The following RNF214 variants were observed in gnomAD, a reference collection of about 807,000 sequenced individuals.
The protein encoded by RNF214 is ring finger protein 214.
In RNF214, 25 loss-of-function variants were observed where a neutral mutation model predicts 75.9. The ratio of observed to expected loss-of-function variants is 0.33; its 90% CI spans 0.24 to 0.46. RNF214 has a LOEUF of 0.46. Ranked by LOEUF, RNF214 falls within the 20% of genes least tolerant of loss-of-function variation. The pLI is 1.00. For synonymous variants in RNF214, 314 were observed against 308.8 expected (o/e 1.02, Z -0.18); for missense variants, 725 against 857.5 (o/e 0.85, Z 1.93).
intron 4 of RNF214, among the ~76,000 whole-genome samples, chr11:117,240,977 G>A (rs1005195796): frequency 6.6e-6 from 1 of 151,814 alleles, no homozygotes; most frequent in East Asian, 2.0e-4. Context: ...GCAGGAGTTC[G>A]AGACCAGCCT....
chr11:117,237,882 T>G (rs1387787728), intron 2 of RNF214, among the ~76,000 whole-genome samples: 3 of 152,280 alleles, frequency 2.0e-5, no homozygotes, highest in Admixed American at 1.3e-4. Context: ...TGGTCAAAGA[T>G]CTGTATAATG....
At chr11:117,247,875 A>C (rs1272821819) in intron 6 of RNF214, among the ~76,000 whole-genome samples, 3 of 151,712 alleles carry the variant, frequency 2.0e-5, no homozygotes, top group African/African-American at 7.3e-5. Context: ...AAAAAAACAA[A>C]ACAAAAAAAA....
At chr11:117,282,944 T>C (rs939267464) in intron 13 of RNF214, 94 bp downstream of exon 13, 4 of 1,070,450 alleles carry the variant, frequency 3.7e-6, no homozygotes, top group Non-Finnish European at 4.3e-6. Flanking sequence ...AAACCATCAG[T>C]TGGGTTATTT....
At chr11:117,245,536 G>A (rs1465187765) in intron 5 of RNF214, among the ~76,000 whole-genome samples, 2 of 151,658 alleles carry the variant, frequency 1.3e-5, no homozygotes, top group African/African-American at 4.8e-5. Flanking sequence ...TAGAGACGGG[G>A]TTTCACCATG....
At chr11:117,258,859 A>G (rs1218977911) in intron 6 of RNF214, among the ~76,000 whole-genome samples, 2 of 152,302 alleles carry the variant, frequency 1.3e-5, no homozygotes, top group Middle Eastern at 3.4e-3. Context: ...AATGGAATCA[A>G]TCTTATACAG....
rs371444202 is a variant in RNF214, at chr11:117,285,130, C to T, written c.2091C>T (p.Pro697=). The T allele has an allele frequency of 2.0e-5, 32 of 1,612,460 alleles. No homozygotes were observed. The highest frequency in any genetic ancestry group is 2.5e-5 in the Non-Finnish European group (30 of 1,178,730). The change falls in exon 15 of 15, where the codon CCC becomes CCT. Residue 697 remains proline, a synonymous_variant. Transcript: ENST00000300650. ...WAQTNTNDTC[P]FCPTLK ...AGACCAACACAAATGACACTTGTCCCTTTTGTCCAACTCTTAAATGACGGA... is the reference window on the plus strand; with the variant it reads ...AGACCAACACAAATGACACTTGTCCTTTTTGTCCAACTCTTAAATGACGGA...
intron 6 of RNF214, among the ~76,000 whole-genome samples, chr11:117,279,401 G>A (rs576420367): frequency 5.7e-4 from 83 of 144,708 alleles, no homozygotes; most frequent in African/African-American, 1.8e-3. Flanking sequence ...GTGCAATCTC[G>A]GCTCACTGCA....
intron 6 of RNF214, among the ~76,000 whole-genome samples, chr11:117,250,493 C>A (rs200432636): frequency 0.052 from 7,949 of 151,712 alleles, 331 homozygotes; most frequent in East Asian, 0.16. Context: ...GAGATACTTG[C>A]TGAAGTTTTA....
At chr11:117,234,419 A>G (rs2032843580) in intron 2 of RNF214, 40 bp downstream of exon 2, 13 of 1,458,072 alleles carry the variant, frequency 8.9e-6, no homozygotes, top group Middle Eastern at 1.7e-4. Flanking sequence ...TCATTTGGGT[A>G]AAGGGTTTTT....
chr11:117,261,573 C>CT (rs1218024555), intron 6 of RNF214, among the ~76,000 whole-genome samples: 1 of 152,104 alleles, frequency 6.6e-6, no homozygotes, highest in Non-Finnish European at 1.5e-5. Flanking sequence ...GAGCAAGACT[C>CT]TATCTCAAAA....
chr11:117,252,030 G>A (rs1053488152), intron 6 of RNF214, among the ~76,000 whole-genome samples: 5 of 151,804 alleles, frequency 3.3e-5, no homozygotes, highest in Admixed American at 1.3e-4. Context: ...CACCACGCCC[G>A]ACTAATTTTT....
At chr11:117,284,843 T>C (rs977450373) in intron 14 of RNF214, among the ~76,000 whole-genome samples, 2 of 151,954 alleles carry the variant, frequency 1.3e-5, no homozygotes, top group African/African-American at 4.8e-5. Flanking sequence ...GGCAGGAGAA[T>C]AGCTTGAACC....
intron 6 of RNF214, among the ~76,000 whole-genome samples, chr11:117,248,992 C>G (rs976478450): frequency 6.6e-6 from 1 of 151,988 alleles, no homozygotes; most frequent in African/African-American, 2.4e-5. Flanking sequence ...GGCGCAATCT[C>G]GGCTCATGCA....
Position 117,234,201 on chromosome 11 carries a change from G to C in RNF214, c.-6-66G>C, listed in dbSNP as rs540994292. On this transcript the variant is annotated intron_variant, in intron 1 of 14. Coordinates refer to ENST00000300650, the MANE Select transcript of RNF214 (RefSeq NM_207343.4). Reference sequence around the variant, plus strand: ...GCTCTGTTGTGTGGACATTCTGAGGGGGGAGAGATACATTTGTTTTAAACT... The same window carrying C: ...GCTCTGTTGTGTGGACATTCTGAGGCGGGAGAGATACATTTGTTTTAAACT... The C allele has an allele frequency of 1.3e-5, 15 of 1,154,124 alleles. No homozygotes were observed. The East Asian group carries it at 3.1e-4, about 24-fold the overall frequency. The allele number at this position is 1,154,124 out of a possible 1,614,324, so 71.5% of individuals were successfully genotyped here.
rs145441921 is a variant in RNF214 at position 117,254,655 on chromosome 11, G to C, written c.959+7707G>C. On this transcript the variant is annotated intron_variant, in intron 6 of 14. Coordinates refer to ENST00000300650, the MANE Select transcript of RNF214 (RefSeq NM_207343.4). ...TTTTTTTTTTTTGAGACAGAGTCTCGCTCTGTCACCCAGGCTGGAGTCCAG... is the reference window on the plus strand; with the variant it reads ...TTTTTTTTTTTTGAGACAGAGTCTCCCTCTGTCACCCAGGCTGGAGTCCAG... Among the ~76,000 whole-genome samples the C allele has an allele frequency of 9.8e-3, 1,480 of 150,262 alleles. 20 individuals carry two copies. The highest frequency in any genetic ancestry group is 0.033 in the African/African-American group (1,327 of 40,806).
chr11:117,281,935 G>T lies in RNF214; in HGVS notation c.1377G>T (p.Leu459=). The change falls in exon 11 of 15, where the codon CTG becomes CTT. Residue 459 remains leucine (L), a synonymous_variant. Transcript: ENST00000300650. ...MLQVFQPSPS[L]APRMPFSIGQ... ...AGGTGTTTCAACCCAGTCCCTCTCTGGCTCCTCGGATGCCCTTCTCCATTG... is the reference window on the plus strand; with the variant it reads ...AGGTGTTTCAACCCAGTCCCTCTCTTGCTCCTCGGATGCCCTTCTCCATTG... 1 of 1,613,938 alleles carries T rather than the reference G, an allele frequency of 6.2e-7. No individual in the cohort carries two copies. Among genetic ancestry groups the T allele is most frequent in the East Asian group, 2.2e-5 (1 of 44,874 alleles).
rs36064361 is a variant in RNF214, at chr11:117,266,859, C to CTT, written c.960-13037_960-13036dup. 6.1e-3 allele frequency among the ~76,000 whole-genome samples: 790 copies of CTT among 128,786 alleles called. 17 individuals carry two copies. Among genetic ancestry groups the CTT allele is most frequent in the African/African-American group, 0.019 (643 of 34,148 alleles). The allele number at this position is 128,786 out of a possible 152,430, so 84.5% of individuals were successfully genotyped here. A position where few individuals can be genotyped will look rare whatever the true frequency, so the allele number is the denominator to read the frequency against. On this transcript the variant is annotated intron_variant, in intron 6 of 14. Coordinates refer to ENST00000300650, the MANE Select transcript of RNF214 (RefSeq NM_207343.4). ...TTTATTTATTTTCTTTCTTCTTTTT[C>CTT]TTTTTTTTTTTTTGAGACAGAGTCT...
intron 6 of RNF214, among the ~76,000 whole-genome samples, chr11:117,270,780 C>T (rs2033895153): frequency 1.3e-5 from 2 of 152,138 alleles, no homozygotes; most frequent in South Asian, 2.1e-4. Flanking sequence ...GAGACAGGGT[C>T]TCACTGTGTT....
chr11:117,242,778 C>G (rs1266104256), intron 4 of RNF214, among the ~76,000 whole-genome samples: 1 of 152,134 alleles, frequency 6.6e-6, no homozygotes, highest in Non-Finnish European at 1.5e-5. Flanking sequence ...TGCTTGAACT[C>G]GGGAGGCGGA....
Sources: allele counts gnomAD v4.1 joint callset (sites outside exome capture counted in the v4.1 genomes callset), GRCh38; gene constraint gnomAD v4.1.1; transcripts MANE v1.5; gene names NCBI Gene and HGNC (gene_info 2026-07-23, HGNC 2026-07-21).